The following TGM2 variants were observed in gnomAD, a reference collection of about 807,000 sequenced individuals.
The protein encoded by TGM2 is transglutaminase 2.
A neutral mutation model predicts 75.6 loss-of-function variants in TGM2; 53 were observed. That is an observed-to-expected ratio of 0.70 (90% CI 0.56 to 0.88). The LOEUF is 0.88. Ranked by LOEUF, TGM2 falls within the 40% of genes least tolerant of loss-of-function variation. The probability of loss-of-function intolerance (pLI) is 0.00; values close to 1 mark genes in which losing one functional copy is unlikely to be tolerated. For synonymous variants in TGM2, 374 were observed against 381.1 expected, an observed-to-expected ratio of 0.98 and a Z score of 0.22; for missense variants, 842 against 928.5, an observed-to-expected ratio of 0.91 and a Z score of 1.21.
chr20:38,157,845 G>A (rs1183968735), intron 2 of TGM2, among the ~76,000 whole-genome samples: 1 of 152,210 alleles, frequency 6.6e-6, no homozygotes, highest in Non-Finnish European at 1.5e-5. Flanking sequence ...CAGGAAATGT[G>A]AGCTATCGTC....
Position 38,129,300 on chromosome 20 carries a change from GCT to G in TGM2, c.*917_*918del. ...GACGTGGGACCTGAACCCAGCCAGG[GCT>G]CTGACTCCCAGTCCCCCAGTCCCCT... is the stretch of plus-strand genomic sequence containing the variant. On this transcript the variant is annotated 3_prime_UTR_variant, in exon 13 of 13. Coordinates refer to ENST00000361475, the MANE Select transcript of TGM2 (RefSeq NM_004613.4). The G allele has an allele frequency of 6.6e-6, 1 of 152,368 alleles. No homozygotes were observed. The highest frequency in any genetic ancestry group is 1.5e-5 in the Non-Finnish European group (1 of 68,092). The allele number at this position is 152,368 out of a possible 1,614,324, so 9.4% of individuals were successfully genotyped here.
chr20:38,153,769 G>A (rs576791210), intron 3 of TGM2, among the ~76,000 whole-genome samples: 16 of 152,244 alleles, frequency 1.1e-4, no homozygotes, highest in Admixed American at 2.0e-4. Context: ...CCCCAAGGAG[G>A]AGGGGTCAAA....
chr20:38,165,465 G>C, upstream of TGM2: 1 of 563,616 alleles, frequency 1.8e-6, no homozygotes, highest in Non-Finnish European at 3.1e-6. Flanking sequence ...CTGGGGGAGC[G>C]GACAGGGACA....
intron 4 of TGM2, among the ~76,000 whole-genome samples, chr20:38,149,288 T>TCTAGGTCTGA (rs2075084978): frequency 6.6e-6 from 1 of 152,142 alleles, no homozygotes; most frequent in African/African-American, 2.4e-5. Context: ...CTGTTATTCC[T>TCTAGGTCTGA]TCCTTCCTCT....
intron 3 of TGM2, among the ~76,000 whole-genome samples, chr20:38,152,395 T>C (rs1181588637): frequency 1.3e-5 from 2 of 152,230 alleles, no homozygotes; most frequent in African/African-American, 4.8e-5. Flanking sequence ...TGGAAACTTC[T>C]ATAAAAATTA....
intron 10 of TGM2, among the ~76,000 whole-genome samples, chr20:38,136,964 C>T (rs1010123343): frequency 2.0e-5 from 3 of 152,138 alleles, no homozygotes; most frequent in African/African-American, 7.2e-5. Flanking sequence ...AGTCTTGGCT[C>T]GGGGCTGGGT....
chr20:38,139,518 C>T lies in TGM2; in HGVS notation c.1236G>A (p.Val412=). ...VDWIQQDDGS[V]HKSINRSLIV... is the part of the protein sequence containing the mutation. The stretch of plus-strand genomic sequence containing the variant: ...TCAGGGAACGGTTGATGGATTTGTG[C>T]ACAGACCCATCGTCCTGCTGGATCC... Residue 412 remains valine (V), a synonymous_variant, in exon 9 of 13, where the codon GTG becomes GTA. Transcript: ENST00000361475. 6.2e-7 allele frequency: 1 copy of T among 1,614,220 alleles called. No homozygotes were observed.
upstream of TGM2, among the ~76,000 whole-genome samples, chr20:38,167,776 T>C (rs898556756): frequency 3.9e-5 from 6 of 152,204 alleles, no homozygotes; most frequent in African/African-American, 4.8e-5. Context: ...AACATTGTTA[T>C]TCCCTCTTCC....
chr20:38,165,346 G>T (rs1191041819), upstream of TGM2: 2 of 1,169,068 alleles, frequency 1.7e-6, no homozygotes, highest in Non-Finnish European at 2.5e-6. Flanking sequence ...GGAAGGCGGC[G>T]ACCTGGGAGG....
intron 6 of TGM2, among the ~76,000 whole-genome samples, chr20:38,142,887 C>T (rs918776976): frequency 1.3e-5 from 2 of 152,248 alleles, no homozygotes; most frequent in African/African-American, 4.8e-5. Flanking sequence ...GCATGCTCTG[C>T]CTCTGCCAGC....
At chr20:38,153,183 G>A (rs913962832) in intron 3 of TGM2, among the ~76,000 whole-genome samples, 1 of 152,132 alleles carries the variant, frequency 6.6e-6, no homozygotes, top group Non-Finnish European at 1.5e-5. Context: ...GTGGGGGCTG[G>A]ACCATCCACA....
chr20:38,150,992 T>G lies in TGM2; in HGVS notation c.499A>C (p.Ile167Leu), dbSNP rs777832022. ...QEYVLTQQGF[I>L]YQGSAKFIKN... The stretch of plus-strand genomic sequence containing the variant: ...ATGAACTTGGCCGAGCCCTGGTAGA[T>G]AAAGCCCTGCTGGGTGAGGACATAC... The change falls in exon 4 of 13, where the codon ATC (isoleucine) becomes CTC (leucine). Residue 167 changes from isoleucine (I) to leucine (L), a missense_variant. Physicochemically the swap from Ile to Leu is conservative, Grantham distance 5. Coordinates refer to ENST00000361475, the MANE Select transcript of TGM2 (RefSeq NM_004613.4). 1.2e-6 allele frequency: 2 copies of G among 1,614,130 alleles called. No homozygotes were observed. Among genetic ancestry groups the G allele is most frequent in the South Asian group, 2.2e-5 (2 of 91,076 alleles).
rs1478845823 is a variant in TGM2 at position 38,128,919 on chromosome 20, T to A, written c.*1300A>T. On this transcript the variant is annotated 3_prime_UTR_variant, in exon 13 of 13. Transcript: ENST00000361475. ...AGTGACCAGCACTGGCAGCTAAGGCTGTTGGGAAGTCTAGGCATTGCAGCG... is the reference window on the plus strand; with the variant it reads ...AGTGACCAGCACTGGCAGCTAAGGCAGTTGGGAAGTCTAGGCATTGCAGCG... 1 of 152,378 alleles carries A rather than the reference T, an allele frequency of 6.6e-6. No homozygotes were observed. The highest frequency in any genetic ancestry group is 1.5e-5 in the Non-Finnish European group (1 of 68,172). The allele number at this position is 152,378 out of a possible 1,614,324, so 9.4% of individuals were successfully genotyped here.
intron 9 of TGM2, 30 bp from the exon 10 acceptor site, chr20:38,138,415 A>C: frequency 6.2e-7 from 1 of 1,612,882 alleles, no homozygotes; most frequent in Non-Finnish European, 8.5e-7. Flanking sequence ...AGCCTCAATC[A>C]CAGCTGGAAT....
chr20:38,142,281 C>T, intron 6 of TGM2, 82 bp from the exon 7 acceptor site: 1 of 1,597,178 alleles, frequency 6.3e-7, no homozygotes, highest in Non-Finnish European at 8.6e-7. Context: ...ATCTGCATTC[C>T]AGGGAACACT....
intron 10 of TGM2, chr20:38,132,906 G>A (rs750519569): frequency 5.3e-5 from 24 of 455,042 alleles, no homozygotes; most frequent in Middle Eastern, 6.5e-4. Flanking sequence ...TGTGTGAGCC[G>A]CGGGCCCTTC....
Position 38,131,243 on chromosome 20 carries a change from T to C in TGM2, c.1777-14A>G. ...CTCCCCAAGGATCTGGAAGAGGGCA[T>C]GGGGCAGATGTCAAGGGCAGGTGGG... On this transcript the variant is annotated splice_polypyrimidine_tract_variant and intron_variant, in intron 11 of 12. Transcript: ENST00000361475. 6.2e-7 allele frequency: 1 copy of C among 1,613,428 alleles called. No individual in the cohort carries two copies. The highest frequency in any genetic ancestry group is 8.5e-7 in the Non-Finnish European group (1 of 1,179,982).
At chr20:38,168,210 C>T (rs12480485), upstream of TGM2, among the ~76,000 whole-genome samples, 71,315 of 152,048 alleles carry the variant, frequency 0.47, 19,195 homozygotes, top group Non-Finnish European at 0.62. Context: ...TGTGGCCAGC[C>T]GGGGTCAGGA....
chr20:38,130,012 T>C lies in TGM2; in HGVS notation c.*207A>G. 1.5e-6 allele frequency: 1 copy of C among 650,412 alleles called. No individual in the cohort carries two copies. The highest frequency in any genetic ancestry group is 2.8e-5 in the East Asian group (1 of 35,996). 40.3% of individuals were successfully genotyped at this position (650,412 alleles called of 1,614,324 possible). ...CTCCCACTGTTTCTGGCACAGAGCA[T>C]TCCTCACAGCAAAGGGGGTGAGTGG... On this transcript the variant is annotated 3_prime_UTR_variant, in exon 13 of 13. Coordinates refer to ENST00000361475, the MANE Select transcript of TGM2 (RefSeq NM_004613.4).
Sources: gnomAD v4.1 joint callset for allele counts (sites outside exome capture counted in the v4.1 genomes callset) on GRCh38, gnomAD v4.1.1 for gene constraint, MANE v1.5 for transcripts, NCBI Gene and HGNC (gene_info 2026-07-23, HGNC 2026-07-21) for gene names.